The following POU6F2 variants were observed in gnomAD, a reference collection of about 807,000 sequenced individuals.
The protein encoded by POU6F2 is POU class 6 homeobox 2.
A neutral mutation model predicts 71.3 loss-of-function variants in POU6F2; 31 were observed. That is an observed-to-expected ratio of 0.43 (90% CI 0.33 to 0.59). POU6F2 has a LOEUF of 0.59. Among genes scored for constraint, POU6F2 ranks in the 20% least tolerant of loss-of-function variants. The pLI, the probability that POU6F2 is intolerant of heterozygous loss-of-function variation, is 0.04. For synonymous variants in POU6F2, 347 were observed against 355.7 expected, an observed-to-expected ratio of 0.98 and a Z score of 0.27; for missense variants, 783 against 856.8, an observed-to-expected ratio of 0.91 and a Z score of 1.07.
chr7:39,066,745 C>G (rs186397801), intron 1 of POU6F2, among the ~76,000 whole-genome samples: 1 of 150,342 alleles, frequency 6.7e-6, no homozygotes, highest in Non-Finnish European at 1.5e-5. Context: ...TAGAATTTGA[C>G]AAAATGATTC....
rs923845998 is a variant in POU6F2, at chr7:39,215,290, A to C, written c.598+7670A>C. 3.9e-5 allele frequency among the ~76,000 whole-genome samples: 6 copies of C among 152,192 alleles called. No homozygotes were observed. The East Asian group carries it at 1.2e-3, about 29-fold the overall frequency. On this transcript the variant is annotated intron_variant, in intron 4 of 9. Transcript: ENST00000518318. ...TACTTGGGAGGCGGAAGTTGCAGTG[A>C]GCTGAGATCACGCCACTGGACTCCA...
intron 7 of POU6F2, among the ~76,000 whole-genome samples, chr7:39,439,252 C>G (rs968618415): frequency 1.4e-4 from 21 of 151,784 alleles, no homozygotes; most frequent in African/African-American, 4.8e-4. Flanking sequence ...CTACGTGTGT[C>G]TTTGCACATG....
intron 5 of POU6F2, among the ~76,000 whole-genome samples, chr7:39,352,585 G>A (rs1484558460): frequency 6.6e-6 from 1 of 152,176 alleles, no homozygotes; most frequent in Admixed American, 6.5e-5. Flanking sequence ...TCTTAAGGGG[G>A]CAGGGGTGCA....
chr7:38,990,287 A>G (rs548552678), intron 1 of POU6F2, among the ~76,000 whole-genome samples: 2 of 152,290 alleles, frequency 1.3e-5, no homozygotes, highest in African/African-American at 2.4e-5. Flanking sequence ...TTTGAATTCA[A>G]TAAAGGGCAT....
At chr7:39,096,626 T>C (rs1791459365) in intron 2 of POU6F2, among the ~76,000 whole-genome samples, 1 of 152,180 alleles carries the variant, frequency 6.6e-6, no homozygotes, top group African/African-American at 2.4e-5. Flanking sequence ...TTGAAGAAGG[T>C]CATGCACAAG....
At chr7:39,446,557 G>A (rs908318063) in intron 7 of POU6F2, among the ~76,000 whole-genome samples, 2 of 152,204 alleles carry the variant, frequency 1.3e-5, no homozygotes, top group Admixed American at 1.3e-4. Flanking sequence ...CTGGGGATCA[G>A]TGGCACAGAA....
intron 7 of POU6F2, among the ~76,000 whole-genome samples, chr7:39,443,001 G>T (rs1198636175): frequency 6.6e-6 from 1 of 152,118 alleles, no homozygotes; most frequent in South Asian, 2.1e-4. Context: ...GGCAGGAATG[G>T]TGCCACTCCT....
chr7:39,281,450 C>A (rs781654874), intron 4 of POU6F2, among the ~76,000 whole-genome samples: 14 of 152,138 alleles, frequency 9.2e-5, no homozygotes, highest in Non-Finnish European at 2.1e-4. Flanking sequence ...CTCTTTATCC[C>A]TCCTCCTCCC....
At chr7:39,391,086 T>TA (rs1317166983) in intron 5 of POU6F2, among the ~76,000 whole-genome samples, 2 of 152,160 alleles carry the variant, frequency 1.3e-5, no homozygotes, top group African/African-American at 2.4e-5. Flanking sequence ...AGCCACTAGC[T>TA]AAAAAATACA....
At chr7:39,015,355 T>C (rs1256944536) in intron 1 of POU6F2, among the ~76,000 whole-genome samples, 3 of 132,136 alleles carry the variant, frequency 2.3e-5, no homozygotes, top group Non-Finnish European at 1.5e-5. Context: ...ATAATAGATA[T>C]ATATTATATA....
At chr7:39,025,440 A>C (rs571359639) in intron 1 of POU6F2, among the ~76,000 whole-genome samples, 37 of 152,240 alleles carry the variant, frequency 2.4e-4, no homozygotes, top group South Asian at 1.5e-3. Flanking sequence ...TCAGAAATAA[A>C]GCCGCATATC....
chr7:39,207,461 A>C lies in POU6F2; in HGVS notation c.439A>C (p.Asn147His), dbSNP rs764145708. The change falls in exon 4 of 10, where the codon AAC (asparagine) becomes CAC (histidine). Residue 147 changes from asparagine to histidine, a missense_variant. Physicochemically the swap from Asn to His is moderately conservative, Grantham distance 68. Coordinates refer to ENST00000518318, the MANE Select transcript of POU6F2 (RefSeq NM_001370959.1). ...GVMPGGPPAL[N>H]QPILIPFNMA... ...GATGCCGGGAGGCCCCCCAGCCCTC[A>C]ACCAGCCAATCCTCATTCCCTTCAA... 1.9e-6 allele frequency: 3 copies of C among 1,614,036 alleles called. No homozygotes were observed. Among genetic ancestry groups the C allele is most frequent in the Non-Finnish European group, 2.5e-6 (3 of 1,179,896 alleles).
intron 4 of POU6F2, among the ~76,000 whole-genome samples, chr7:39,297,196 T>TACACACACACACACACACAC (rs61192418): frequency 7.2e-6 from 1 of 139,026 alleles, no homozygotes; most frequent in Non-Finnish European, 1.6e-5. Flanking sequence ...CACATACACA[T>TACACACACACACACACACAC]ACACACACAC....
intron 4 of POU6F2, among the ~76,000 whole-genome samples, chr7:39,323,482 T>C (rs12701732): frequency 0.14 from 21,617 of 152,264 alleles, 1,607 homozygotes; most frequent in Admixed American, 0.19. Context: ...CATCCCCGTC[T>C]GCTGGCTGTG....
At chr7:39,410,383 C>T (rs1015287659) in intron 6 of POU6F2, among the ~76,000 whole-genome samples, 1 of 152,134 alleles carries the variant, frequency 6.6e-6, no homozygotes, top group South Asian at 2.1e-4. Flanking sequence ...ATATAGTACC[C>T]AACTCCACTC....
At chr7:39,352,064 A>G (rs1177351000) in intron 5 of POU6F2, among the ~76,000 whole-genome samples, 1 of 152,190 alleles carries the variant, frequency 6.6e-6, no homozygotes, top group East Asian at 1.9e-4. Flanking sequence ...CCTGATCTAA[A>G]TCTTGATTGA....
In POU6F2 at chr7:39,373,392, A is replaced by C. The variant is rs1372657630; in HGVS notation, c.973-33208A>C. 5.9e-4 allele frequency: 270 copies of C among 455,838 alleles called. 1 individual carries two copies. The highest frequency in any genetic ancestry group is 3.1e-5 in the Non-Finnish European group (7 of 226,580). The allele number at this position is 455,838 out of a possible 1,614,324, so 28.2% of individuals were successfully genotyped here. A position where few individuals can be genotyped will look rare whatever the true frequency, so the allele number is the denominator to read the frequency against. Reference sequence around the variant, plus strand: ...CAATGCTATGAGCAACTCAAATATGATAATTAGTATGCCAAGAGCCAACAG... The same window carrying C: ...CAATGCTATGAGCAACTCAAATATGCTAATTAGTATGCCAAGAGCCAACAG... On this transcript the variant is annotated intron_variant, in intron 5 of 9. Coordinates refer to ENST00000518318, the MANE Select transcript of POU6F2 (RefSeq NM_001370959.1).
chr7:39,016,056 T>TCA (rs1562671310), intron 1 of POU6F2, among the ~76,000 whole-genome samples: 1 of 54,492 alleles, frequency 1.8e-5, no homozygotes, highest in South Asian at 4.1e-4. Flanking sequence ...ATTATATATA[T>TCA]TATATATAAT....
At chr7:39,014,248 T>C (rs1459327009) in intron 1 of POU6F2, among the ~76,000 whole-genome samples, 3 of 152,162 alleles carry the variant, frequency 2.0e-5, no homozygotes. Flanking sequence ...ATGCTGGCAG[T>C]GTAGGAAAGC....
Sources: gnomAD v4.1 joint callset for allele counts (sites outside exome capture counted in the v4.1 genomes callset) on GRCh38, gnomAD v4.1.1 for gene constraint, MANE v1.5 for transcripts, NCBI Gene and HGNC (gene_info 2026-07-23, HGNC 2026-07-21) for gene names.